CDKL5: variants seen among roughly 807,000 people sequenced by gnomAD.
CDKL5 encodes cyclin-dependent kinase-like 5.
In CDKL5, 8 loss-of-function variants were observed where a neutral mutation model predicts 61.7. The observed-to-expected ratio is 0.13, with a 90% CI of 0.08 to 0.23. The LOEUF is 0.23. Among genes scored for constraint, CDKL5 ranks in the 10% least tolerant of loss-of-function variants. The pLI is 1.00. For missense variants in CDKL5, 440 were observed against 734.5 expected (o/e 0.60, Z 4.63); for synonymous variants, 275 against 272.3 (o/e 1.01, Z -0.10).
At chrX:18,645,456 A>AG (rs778222046) in intron 19 of CDKL5, among the ~76,000 whole-genome samples, 25 of 108,546 alleles carry the variant, frequency 2.3e-4, no homozygotes, top group African/African-American at 7.1e-4. Flanking sequence ...CCCTGCTTTC[A>AG]GACCCCACGT....
intron 16 of CDKL5, chrX:18,623,833 CT>C (rs375044523): frequency 0.18 from 84,932 of 478,658 alleles, 127 homozygotes; most frequent in Non-Finnish European, 0.19. Flanking sequence ...AATAAGAGCA[CT>C]TTTTTTTTTT....
Position 18,629,318 on chromosome X carries a change from CA to C in CDKL5, c.*562del. ...ATAATTAATATTGTACTGTTAAAAT[CA>C]TATCTTTTATGTTATAATGTAAAGT... is the stretch of plus-strand genomic sequence containing the variant. On this transcript the variant is annotated 3_prime_UTR_variant, in exon 18 of 18. Transcript: ENST00000623535. The C allele has an allele frequency of 1.5e-6, 1 of 652,729 alleles. No individual in the cohort carries two copies. The highest frequency in any genetic ancestry group is 7.9e-5 in the South Asian group (1 of 12,605). 53.8% of individuals were successfully genotyped at this position (652,729 alleles called of 1,213,427 possible).
chrX:18,579,747 C>A, intron 5 of CDKL5, 101 bp from the exon 6 acceptor site: 1 of 779,333 alleles, frequency 1.3e-6, no homozygotes, highest in Non-Finnish European at 1.9e-6. Flanking sequence ...AAAAAAAAAG[C>A]TCTGTATTGG....
Position 18,605,546 on chromosome X carries a change from C to T in CDKL5, c.1944+678C>T, listed in dbSNP as rs755222538. On this transcript the variant is annotated intron_variant, in intron 12 of 17. Coordinates refer to ENST00000623535, the MANE Select transcript of CDKL5 (RefSeq NM_001323289.2). ...GAGGCTGCAGTGAGCCAAGATCACA[C>T]CACTGCACTCCAGCCTGGGCAATAG... Among the ~76,000 whole-genome samples, 4 of 111,732 alleles carry T rather than the reference C, an allele frequency of 3.6e-5. No homozygotes were observed. In the East Asian group the frequency reaches 1.1e-3, roughly 31 times the overall value.
intron 10 of CDKL5, among the ~76,000 whole-genome samples, chrX:18,596,584 GT>G (rs1861369585): frequency 8.9e-6 from 1 of 112,035 alleles, no homozygotes; most frequent in Non-Finnish European, 1.9e-5. Flanking sequence ...AAAGCCTTTT[GT>G]TTAATTAGTC....
chrX:18,472,673 T>A (rs1165134952), intron 1 of CDKL5, among the ~76,000 whole-genome samples: 1 of 111,160 alleles, frequency 9.0e-6, no homozygotes, highest in Non-Finnish European at 1.9e-5. Flanking sequence ...CCAGCAAAAT[T>A]AAGTGGTTTG....
chrX:18,467,242 A>G (rs767947897), intron 1 of CDKL5, among the ~76,000 whole-genome samples: 16 of 111,300 alleles, frequency 1.4e-4, no homozygotes, highest in Non-Finnish European at 2.8e-4. Flanking sequence ...TATAAGGAAC[A>G]TCTGAGCCCC....
chrX:18,564,010 C>G (rs1212486150), intron 3 of CDKL5, among the ~76,000 whole-genome samples: 1 of 111,638 alleles, frequency 9.0e-6, no homozygotes, highest in East Asian at 2.8e-4. Context: ...CAGTGGCCAT[C>G]AATAGGGGCG....
chrX:18,584,148 C>T, intron 7 of CDKL5, 115 bp from the exon 8 acceptor site: 1 of 558,256 alleles, frequency 1.8e-6, no homozygotes, highest in East Asian at 3.3e-5. Context: ...CATGCGAGAA[C>T]AGTCATTACA....
At chrX:18,624,245 A>G (rs1926972482) in intron 16 of CDKL5, among the ~76,000 whole-genome samples, 1 of 112,597 alleles carries the variant, frequency 8.9e-6, no homozygotes, top group South Asian at 3.7e-4. Flanking sequence ...ATGTCTGATT[A>G]GCCAGTTATG....
rs778200388 is a variant in CDKL5, at chrX:18,525,744, CTT to C, written c.99+14910_99+14911del. ...AACTGACATCTTAACAATATTGAGT[CTT>C]TTTTTTTTTTTTTTTTTTTAATTGG... On this transcript the variant is annotated intron_variant, in intron 3 of 17. Coordinates refer to ENST00000623535, the MANE Select transcript of CDKL5 (RefSeq NM_001323289.2). 4.2e-3 allele frequency among the ~76,000 whole-genome samples: 316 copies of C among 75,596 alleles called. 2 individuals carry two copies. The Middle Eastern group carries it at 0.044, about 11-fold the overall frequency. 65.6% of individuals were successfully genotyped at this position (75,596 alleles called of 115,157 possible). A position where few individuals can be genotyped will look rare whatever the true frequency, so the allele number is the denominator to read the frequency against.
At chrX:18,459,776 C>G (rs2147644591) in intron 1 of CDKL5, among the ~76,000 whole-genome samples, 1 of 90,360 alleles carries the variant, frequency 1.1e-5, no homozygotes, top group African/African-American at 4.2e-5. Context: ...GTGATCTCAG[C>G]TCACTGCAAC....
rs940583617 is a variant in CDKL5, at chrX:18,460,599, A to G, written c.-163+34904A>G. Among the ~76,000 whole-genome samples, 3 of 111,325 alleles carry G rather than the reference A, an allele frequency of 2.7e-5. No homozygotes were observed. In the Admixed American group the frequency reaches 2.9e-4, roughly 11 times the overall value. On this transcript the variant is annotated intron_variant, in intron 1 of 17. Coordinates refer to ENST00000623535, the MANE Select transcript of CDKL5 (RefSeq NM_001323289.2). ...CTGCAGCCTCTATCTATCCAGGTTC[A>G]GGTGATCCTCCCACCTCAGCCTCCA...
intron 11 of CDKL5, among the ~76,000 whole-genome samples, chrX:18,600,780 C>A (rs1295813236): frequency 9.0e-6 from 1 of 111,493 alleles, no homozygotes; most frequent in Non-Finnish European, 1.9e-5. Flanking sequence ...CTCCCAAGTC[C>A]CCTTTTGAAA....
At chrX:18,430,332 A>G (rs962253461) in intron 1 of CDKL5, among the ~76,000 whole-genome samples, 1 of 112,424 alleles carries the variant, frequency 8.9e-6, no homozygotes, top group Non-Finnish European at 1.9e-5. Flanking sequence ...TGTGGCTTAG[A>G]TATACCCTTG....
intron 16 of CDKL5, among the ~76,000 whole-genome samples, chrX:18,623,024 G>A (rs1472432484): frequency 1.8e-5 from 2 of 111,842 alleles, no homozygotes; most frequent in Non-Finnish European, 3.8e-5. Context: ...ATCCAAAACA[G>A]GGAAAAGTGG....
At chrX:18,453,690 A>G (rs1932073835) in intron 1 of CDKL5, among the ~76,000 whole-genome samples, 1 of 111,937 alleles carries the variant, frequency 8.9e-6, no homozygotes, top group Admixed American at 9.6e-5. Flanking sequence ...AAATTGGTCC[A>G]TATATATTTC....
In CDKL5 at chrX:18,629,575, C is replaced by G; in HGVS notation, c.*818C>G. ...ATATGAAGTGAGTATTATACTTCTA[C>G]TAAAGGGAGTTGAATTGTGGCTACA... On this transcript the variant is annotated 3_prime_UTR_variant, in exon 18 of 18. Transcript: ENST00000623535. 4.0e-6 allele frequency: 3 copies of G among 743,998 alleles called. No individual in the cohort carries two copies. The highest frequency in any genetic ancestry group is 4.8e-6 in the Non-Finnish European group (3 of 630,342). 61.3% of individuals were successfully genotyped at this position (743,998 alleles called of 1,213,427 possible). A position where few individuals can be genotyped will look rare whatever the true frequency, so the allele number is the denominator to read the frequency against.
At chrX:18,495,344 A>G (rs1317119317) in intron 1 of CDKL5, among the ~76,000 whole-genome samples, 1 of 112,637 alleles carries the variant, frequency 8.9e-6, no homozygotes, top group Admixed American at 9.4e-5. Flanking sequence ...ATAATCTATG[A>G]AATAAATTAT....
Sources: gnomAD v4.1 joint callset for allele counts (sites outside exome capture counted in the v4.1 genomes callset) on GRCh38, gnomAD v4.1.1 for gene constraint, MANE v1.5 for transcripts, NCBI Gene and HGNC (gene_info 2026-07-23, HGNC 2026-07-21) for gene names.